The following TYR variants were observed in gnomAD, a reference collection of about 807,000 sequenced individuals.
TYR encodes LB24-AB.
TYR carries 58 observed loss-of-function variants against 51.5 expected under a neutral mutation model. The ratio of observed to expected loss-of-function variants is 1.13; its 90% confidence interval spans 0.91 to 1.40. The LOEUF (loss-of-function observed/expected upper bound fraction) is 1.40. Among genes scored for constraint, TYR ranks in the 40% most tolerant of loss-of-function variants. The pLI, the probability that TYR is intolerant of heterozygous loss-of-function variation, is 0.00. For synonymous variants in TYR, 263 were observed against 235.2 expected (o/e 1.12, Z -1.08); for missense variants, 732 against 647.4 (o/e 1.13, Z -1.42).
intron 4 of TYR, among the ~76,000 whole-genome samples, chr11:89,291,724 A>G (rs938975074): frequency 1.3e-5 from 2 of 151,984 alleles, no homozygotes; most frequent in African/African-American, 4.8e-5. Flanking sequence ...ATGCCCCTAT[A>G]TCAGCTACTG....
At chr11:89,277,615 C>T (rs1944671306) in intron 3 of TYR, among the ~76,000 whole-genome samples, 1 of 151,688 alleles carries the variant, frequency 6.6e-6, no homozygotes, top group African/African-American at 2.4e-5. Flanking sequence ...TACAGCACAT[C>T]TCATCTAGAA....
chr11:89,272,647 G>A (rs1308009841), intron 3 of TYR, among the ~76,000 whole-genome samples: 1 of 151,880 alleles, frequency 6.6e-6, no homozygotes, highest in Middle Eastern at 3.2e-3. Flanking sequence ...TTTAAAGCCA[G>A]GCATTGAGTT....
intron 2 of TYR, among the ~76,000 whole-genome samples, chr11:89,208,060 A>G (rs1943696031): frequency 6.6e-6 from 1 of 152,212 alleles, no homozygotes; most frequent in Non-Finnish European, 1.5e-5. Context: ...CGAAGTCAGG[A>G]GATCAAGACC....
intron 2 of TYR, among the ~76,000 whole-genome samples, chr11:89,207,135 G>A (rs1224608137): frequency 6.6e-6 from 1 of 151,890 alleles, no homozygotes; most frequent in Non-Finnish European, 1.5e-5. Flanking sequence ...GGAGCAGAAA[G>A]CAGTGAAATT....
intron 4 of TYR, among the ~76,000 whole-genome samples, chr11:89,285,315 G>A (rs1309895587): frequency 1.3e-5 from 2 of 151,670 alleles, no homozygotes; most frequent in Admixed American, 1.3e-4. Context: ...GAAATACTGG[G>A]ACCAGAACAC....
intron 2 of TYR, among the ~76,000 whole-genome samples, chr11:89,206,149 C>T (rs147336989): frequency 6.6e-6 from 1 of 151,770 alleles, no homozygotes; most frequent in East Asian, 1.9e-4. Flanking sequence ...TAGGTTTAAG[C>T]CATAACATTA....
intron 2 of TYR, among the ~76,000 whole-genome samples, chr11:89,204,388 A>C (rs573415925): frequency 4.5e-4 from 66 of 146,780 alleles, no homozygotes; most frequent in Non-Finnish European, 8.0e-4. Flanking sequence ...GAAAGCCAGG[A>C]GATTATACAT....
chr11:89,189,426 C>A (rs1302817098), intron 1 of TYR, among the ~76,000 whole-genome samples: 1 of 150,662 alleles, frequency 6.6e-6, no homozygotes, highest in Non-Finnish European at 1.5e-5. Flanking sequence ...AAACAATCAA[C>A]CACGAGTATT....
chr11:89,285,219 A>AT (rs1805218479), intron 4 of TYR, among the ~76,000 whole-genome samples: 1 of 151,766 alleles, frequency 6.6e-6, no homozygotes, highest in African/African-American at 2.4e-5. Context: ...AAGAAAAAAA[A>AT]AGGTTTTGAG....
chr11:89,211,464 G>C (rs923494758), intron 2 of TYR, among the ~76,000 whole-genome samples: 46 of 152,234 alleles, frequency 3.0e-4, no homozygotes, highest in African/African-American at 9.9e-4. Context: ...AGTTCTTAGA[G>C]ACCTACAAAG....
At chr11:89,265,532 T>C (rs558281063) in intron 3 of TYR, among the ~76,000 whole-genome samples, 8 of 152,248 alleles carry the variant, frequency 5.3e-5, no homozygotes, top group African/African-American at 9.6e-5. Flanking sequence ...GGGATTTTAA[T>C]AGAAATTTCA....
At chr11:89,179,122 A>G (rs1943268458) in intron 1 of TYR, among the ~76,000 whole-genome samples, 1 of 152,214 alleles carries the variant, frequency 6.6e-6, no homozygotes, top group Non-Finnish European at 1.5e-5. Flanking sequence ...GAATATCTGG[A>G]TGATTAAAAA....
chr11:89,267,812 A>ATGTG (rs201184833), intron 3 of TYR, among the ~76,000 whole-genome samples: 6 of 150,294 alleles, frequency 4.0e-5, no homozygotes, highest in Non-Finnish European at 7.4e-5. Context: ...TACTGAGTGT[A>ATGTG]TGTGTGTGTG....
At chr11:89,179,979 C>G (rs1016108336) in intron 1 of TYR, among the ~76,000 whole-genome samples, 10 of 152,156 alleles carry the variant, frequency 6.6e-5, no homozygotes, top group Admixed American at 5.9e-4. Flanking sequence ...CACTCAATTT[C>G]CCACAATCTG....
chr11:89,238,866 AT>A (rs1198589508), intron 3 of TYR, among the ~76,000 whole-genome samples: 1 of 152,134 alleles, frequency 6.6e-6, no homozygotes, highest in African/African-American at 2.4e-5. Flanking sequence ...TGATCATGTG[AT>A]TTTTCACAAA....
At chr11:89,291,767 C>T (rs1484301831) in intron 4 of TYR, among the ~76,000 whole-genome samples, 1 of 151,938 alleles carries the variant, frequency 6.6e-6, no homozygotes, top group East Asian at 1.9e-4. Context: ...TGCTATATTG[C>T]CCTGTATTTC....
intron 2 of TYR, among the ~76,000 whole-genome samples, chr11:89,215,289 C>T: frequency 6.6e-6 from 1 of 150,966 alleles, no homozygotes; most frequent in African/African-American, 2.4e-5. Context: ...GGACACAAAA[C>T]CAATCACCGT....
At chr11:89,197,413 A>G (rs12791412) in intron 2 of TYR, among the ~76,000 whole-genome samples, 31,563 of 152,162 alleles carry the variant, frequency 0.21, 4,077 homozygotes, top group Non-Finnish European at 0.29. Flanking sequence ...TTATAAATTC[A>G]TTCGTAATAC....
chr11:89,211,832 T>C (rs1237236769), intron 2 of TYR, among the ~76,000 whole-genome samples: 1 of 152,172 alleles, frequency 6.6e-6, no homozygotes, highest in Non-Finnish European at 1.5e-5. Context: ...CTGAACAACC[T>C]GCTCCTAAAT....
Sources: allele counts gnomAD v4.1 joint callset (sites outside exome capture counted in the v4.1 genomes callset), GRCh38; gene constraint gnomAD v4.1.1; transcripts MANE v1.5; gene names NCBI Gene and HGNC (gene_info 2026-07-23, HGNC 2026-07-21).